Variants in ITFG1 observed in about 807,000 individuals in gnomAD.
ITFG1 encodes T-cell immunomodulatory protein.
Under a neutral mutation model 81.8 loss-of-function variants are expected in ITFG1, and 34 were observed. The observed-to-expected ratio is 0.42, with a 90% confidence interval of 0.32 to 0.55. The LOEUF (loss-of-function observed/expected upper bound fraction) is 0.55, where lower values mean the gene tolerates loss of function less well. ITFG1 is among the 20% of genes least tolerant of loss of function. ITFG1 has a pLI of 0.17. For synonymous variants in ITFG1, 285 were observed against 270.6 expected, an observed-to-expected ratio of 1.05 and a Z score of -0.52; for missense variants, 672 against 755.4, an observed-to-expected ratio of 0.89 and a Z score of 1.29.
In ITFG1 at chr16:47,181,152, C is replaced by G. The variant is rs184128603; in HGVS notation, c.1454-18488G>C. ...TGTGGGGAGCGCCGCTGCCCCACCG[C>G]CCCATCTGGGATGTGAGGAGCGCCT... is the stretch of plus-strand genomic sequence containing the variant. On this transcript the variant is annotated intron_variant, in intron 14 of 17. Coordinates refer to ENST00000320640, the MANE Select transcript of ITFG1 (RefSeq NM_030790.5). Among the ~76,000 whole-genome samples the G allele has an allele frequency of 2.2e-3, 333 of 149,734 alleles. 7 individuals are homozygous for G. The East Asian group carries it at 0.058, about 26-fold the overall frequency.
At chr16:47,375,214 G>A (rs1013768579) in intron 7 of ITFG1, among the ~76,000 whole-genome samples, 1 of 152,112 alleles carries the variant, frequency 6.6e-6, no homozygotes, top group Non-Finnish European at 1.5e-5. Flanking sequence ...TCGATACTTG[G>A]CCAATACTTC....
rs931093583 is a variant in ITFG1, at chr16:47,154,516, G to A, written c.*1203C>T. On this transcript the variant is annotated 3_prime_UTR_variant, in exon 18 of 18. Transcript: ENST00000320640. Reference sequence around the variant, plus strand: ...CAAAATTGTTTTCAGAGAAATTTTTGTGTTTTATAGGCATCACATGTCCAT... The same window carrying A: ...CAAAATTGTTTTCAGAGAAATTTTTATGTTTTATAGGCATCACATGTCCAT... 6.6e-6 allele frequency: 1 copy of A among 152,014 alleles called. No individual in the cohort carries two copies. The highest frequency in any genetic ancestry group is 1.5e-5 in the Non-Finnish European group (1 of 68,006). 9.4% of individuals were successfully genotyped at this position (152,014 alleles called of 1,614,324 possible).
intron 10 of ITFG1, among the ~76,000 whole-genome samples, chr16:47,273,703 C>G (rs1966367270): frequency 6.6e-6 from 1 of 152,142 alleles, no homozygotes; most frequent in Admixed American, 6.6e-5. Context: ...ACTGTGACTG[C>G]TGAAAAGTTT....
At chr16:47,342,735 T>G (rs1967801100) in intron 8 of ITFG1, among the ~76,000 whole-genome samples, 2 of 151,928 alleles carry the variant, frequency 1.3e-5, no homozygotes, top group Admixed American at 1.3e-4. Flanking sequence ...CCCCAAAAAT[T>G]TAGCAAGCAA....
At chr16:47,430,794 A>G (rs547619562) in intron 5 of ITFG1, among the ~76,000 whole-genome samples, 1 of 152,328 alleles carries the variant, frequency 6.6e-6, no homozygotes, top group Admixed American at 6.5e-5. Context: ...CAGAATTACC[A>G]TATGATCCTG....
rs774985555 is a variant in ITFG1 at position 47,220,913 on chromosome 16, C to A, written c.1375-1967G>T. On this transcript the variant is annotated intron_variant, in intron 13 of 17. Transcript: ENST00000320640. ...CAGAACTTTGCAAGAATCCAAGGAGCACTCATTTAAGAAAAATAGCTGAAT... is the reference window on the plus strand; with the variant it reads ...CAGAACTTTGCAAGAATCCAAGGAGAACTCATTTAAGAAAAATAGCTGAAT... 5.3e-5 allele frequency among the ~76,000 whole-genome samples: 8 copies of A among 152,156 alleles called. No homozygotes were observed. The East Asian group carries it at 1.5e-3, about 29-fold the overall frequency.
At chr16:47,326,642 C>T (rs931699134) in intron 8 of ITFG1, among the ~76,000 whole-genome samples, 1 of 152,216 alleles carries the variant, frequency 6.6e-6, no homozygotes, top group African/African-American at 2.4e-5. Flanking sequence ...GATACAAAAT[C>T]AATGTGCAAA....
At chr16:47,191,999 C>T (rs922362038) in intron 14 of ITFG1, among the ~76,000 whole-genome samples, 11 of 152,132 alleles carry the variant, frequency 7.2e-5, no homozygotes, top group African/African-American at 1.7e-4. Flanking sequence ...AGCCCAGTCT[C>T]GAACCCCTGG....
intron 6 of ITFG1, among the ~76,000 whole-genome samples, chr16:47,418,971 A>C (rs998667894): frequency 6.6e-6 from 1 of 152,174 alleles, no homozygotes; most frequent in African/African-American, 2.4e-5. Context: ...GAATTTGTAG[A>C]TTGCTTTTGG....
chr16:47,184,827 G>C, intron 14 of ITFG1, among the ~76,000 whole-genome samples: 1 of 152,076 alleles, frequency 6.6e-6, no homozygotes, highest in Non-Finnish European at 1.5e-5. Context: ...AAAAGACACA[G>C]ACTGGCAAAT....
At chr16:47,254,379 C>CTT in intron 12 of ITFG1, among the ~76,000 whole-genome samples, 1 of 151,824 alleles carries the variant, frequency 6.6e-6, no homozygotes, top group Admixed American at 6.6e-5. Flanking sequence ...CTCTCTTTAG[C>CTT]ATATTATTAT....
At chr16:47,329,035 G>A (rs891032356) in intron 8 of ITFG1, among the ~76,000 whole-genome samples, 9 of 152,014 alleles carry the variant, frequency 5.9e-5, no homozygotes, top group African/African-American at 1.9e-4. Context: ...AAAAATCCAC[G>A]CTTAAGGCAG....
chr16:47,310,617 A>C (rs770586085), intron 10 of ITFG1, among the ~76,000 whole-genome samples: 1 of 152,256 alleles, frequency 6.6e-6, no homozygotes, highest in African/African-American at 2.4e-5. Flanking sequence ...ATGTACTCAC[A>C]GTTGACATAT....
intron 8 of ITFG1, among the ~76,000 whole-genome samples, chr16:47,338,724 A>G (rs1474726311): frequency 6.6e-6 from 1 of 151,376 alleles, no homozygotes; most frequent in Non-Finnish European, 1.5e-5. Context: ...GGGTTACATG[A>G]TGTATTTTGA....
At chr16:47,338,869 G>A (rs889613161) in intron 8 of ITFG1, among the ~76,000 whole-genome samples, 5 of 152,078 alleles carry the variant, frequency 3.3e-5, no homozygotes, top group African/African-American at 4.8e-5. Flanking sequence ...ATGGACTATA[G>A]TCACAATGCT....
chr16:47,186,096 G>A (rs1003002125), intron 14 of ITFG1, among the ~76,000 whole-genome samples: 1 of 151,844 alleles, frequency 6.6e-6, no homozygotes, highest in Admixed American at 6.6e-5. Context: ...AATAACAGGA[G>A]CTGAAATTGT....
At chr16:47,188,498 T>TTG in intron 14 of ITFG1, among the ~76,000 whole-genome samples, 1 of 149,982 alleles carries the variant, frequency 6.7e-6, no homozygotes, top group Non-Finnish European at 1.5e-5. Flanking sequence ...TCATTCTCAG[T>TTG]AAACTATTGC....
rs146816038 is a variant in ITFG1 at position 47,275,039 on chromosome 16, G to C, written c.1071-14344C>G. On this transcript the variant is annotated intron_variant, in intron 10 of 17. Transcript: ENST00000320640. Reference sequence around the variant, plus strand: ...TAAGACTTATGAACAATAGAATTTTGAAAGTGTGGCTAACACAACCAGGGA... The same window carrying C: ...TAAGACTTATGAACAATAGAATTTTCAAAGTGTGGCTAACACAACCAGGGA... Among the ~76,000 whole-genome samples, 345 of 152,258 alleles carry C rather than the reference G, an allele frequency of 2.3e-3. 1 individual carries two copies. The highest frequency in any genetic ancestry group is 3.4e-3 in the Non-Finnish European group (229 of 67,996).
chr16:47,171,771 T>C lies in ITFG1; in HGVS notation c.1454-9107A>G, dbSNP rs369788605. Among the ~76,000 whole-genome samples, 23 of 152,362 alleles carry C rather than the reference T, an allele frequency of 1.5e-4. No individual in the cohort carries two copies. In the East Asian group the frequency reaches 2.5e-3, roughly 17 times the overall value. On this transcript the variant is annotated intron_variant, in intron 14 of 17. Coordinates refer to ENST00000320640, the MANE Select transcript of ITFG1 (RefSeq NM_030790.5). ...CAAGATATTGTTTAGTTTTGTGATATATGTCTTATCTTCCTTAAGTTAACC... is the reference window on the plus strand; with the variant it reads ...CAAGATATTGTTTAGTTTTGTGATACATGTCTTATCTTCCTTAAGTTAACC...
Sources: gnomAD v4.1 joint callset for allele counts (sites outside exome capture counted in the v4.1 genomes callset) on GRCh38, gnomAD v4.1.1 for gene constraint, MANE v1.5 for transcripts, NCBI Gene and HGNC (gene_info 2026-07-23, HGNC 2026-07-21) for gene names.